NTRK3: variants seen among roughly 807,000 people sequenced by gnomAD.
NTRK3 encodes neurotrophic receptor tyrosine kinase 3, also known as NT-3 growth factor receptor.
NTRK3 carries 24 observed loss-of-function variants against 91.7 expected under a neutral mutation model. That is an observed-to-expected ratio of 0.26 (90% CI 0.19 to 0.37). The LOEUF is 0.37. Among genes scored for constraint, NTRK3 ranks in the 10% least tolerant of loss-of-function variants. The probability of loss-of-function intolerance (pLI) is 1.00; values close to 1 mark genes in which losing one functional copy is unlikely to be tolerated. For missense variants in NTRK3, 880 were observed against 1,068.9 expected (o/e 0.82, Z 2.46); for synonymous variants, 483 against 404.0 (o/e 1.20, Z -2.34).
chr15:88,095,779 G>A (rs1480370372), intron 13 of NTRK3, among the ~76,000 whole-genome samples: 6 of 152,144 alleles, frequency 3.9e-5, no homozygotes, highest in Non-Finnish European at 7.3e-5. Flanking sequence ...CAATTGAAAT[G>A]ATTATACAGC....
intron 13 of NTRK3, among the ~76,000 whole-genome samples, chr15:88,111,307 C>T (rs546229587): frequency 3.9e-5 from 6 of 152,182 alleles, no homozygotes; most frequent in East Asian, 1.9e-4. Context: ...TGTTGTTTCC[C>T]GAAGTACTAA....
chr15:87,863,295 A>T, exon 19 of NTRK3: 2 of 225,928 alleles, frequency 8.9e-6, no homozygotes, highest in Non-Finnish European at 1.8e-5. Context: ...TAGGAAATAA[A>T]GGAAAACAAA....
At chr15:88,082,988 G>A (rs1338215004) in intron 13 of NTRK3, among the ~76,000 whole-genome samples, 1 of 152,194 alleles carries the variant, frequency 6.6e-6, no homozygotes, top group Non-Finnish European at 1.5e-5. Context: ...TAAGAGGGAA[G>A]GATAAAAACT....
intron 14 of NTRK3, among the ~76,000 whole-genome samples, chr15:88,023,733 C>T (rs574113530): frequency 6.6e-6 from 1 of 152,304 alleles, no homozygotes; most frequent in East Asian, 1.9e-4. Flanking sequence ...CCAACCTACC[C>T]TCTTCAGCCG....
intron 13 of NTRK3, among the ~76,000 whole-genome samples, chr15:88,033,993 T>C (rs1193686481): frequency 2.6e-5 from 4 of 152,100 alleles, no homozygotes; most frequent in Non-Finnish European, 5.9e-5. Flanking sequence ...CATCAGATTG[T>C]GAGAGCTCCC....
chr15:87,963,468 C>CGAT (rs1236872575), intron 14 of NTRK3, among the ~76,000 whole-genome samples: 1 of 152,136 alleles, frequency 6.6e-6, no homozygotes, highest in Non-Finnish European at 1.5e-5. Context: ...CCCCACTGAA[C>CGAT]GATGGTTCGA....
rs1012720630 is a variant in NTRK3 at position 88,224,236 on chromosome 15, C to T, written c.248+31670G>A. 2.6e-5 allele frequency among the ~76,000 whole-genome samples: 4 copies of T among 152,330 alleles called. No individual in the cohort carries two copies. The East Asian group carries it at 7.7e-4, about 29-fold the overall frequency. Reference sequence around the variant, plus strand: ...AGGATGCTCCCTGCAAGGTGAGGGGCCAGCCCTGCACCAGGCACCAGAACT... The same window carrying T: ...AGGATGCTCCCTGCAAGGTGAGGGGTCAGCCCTGCACCAGGCACCAGAACT... On this transcript the variant is annotated intron_variant, in intron 3 of 18. Coordinates refer to ENST00000394480, the Ensembl canonical transcript of NTRK3.
At chr15:88,103,317 C>T (rs1319506528) in intron 13 of NTRK3, among the ~76,000 whole-genome samples, 1 of 152,128 alleles carries the variant, frequency 6.6e-6, no homozygotes, top group African/African-American at 2.4e-5. Flanking sequence ...AGAAGAAATC[C>T]TGCCTCAAGA....
At chr15:87,923,398 A>G (rs2068037037) in intron 17 of NTRK3, among the ~76,000 whole-genome samples, 1 of 152,174 alleles carries the variant, frequency 6.6e-6, no homozygotes. Context: ...TGGTTGGGAC[A>G]TAGATAGATG....
intron 5 of NTRK3, among the ~76,000 whole-genome samples, chr15:88,153,232 T>C (rs1286292637): frequency 6.6e-6 from 1 of 152,158 alleles, no homozygotes; most frequent in Non-Finnish European, 1.5e-5. Flanking sequence ...TCCCTTTTCT[T>C]CTTTATTTTT....
chr15:88,175,696 CCAGA>C (rs1486750427), intron 5 of NTRK3, among the ~76,000 whole-genome samples: 1 of 152,072 alleles, frequency 6.6e-6, no homozygotes, highest in African/African-American at 2.4e-5. Context: ...TTGTTATGGG[CCAGA>C]CATTCTCCTC....
chr15:88,211,377 T>C (rs1026556648), intron 3 of NTRK3, among the ~76,000 whole-genome samples: 6 of 152,276 alleles, frequency 3.9e-5, no homozygotes, highest in Admixed American at 3.3e-4. Flanking sequence ...TAGGCCGTTA[T>C]AGAGATAGAC....
chr15:88,037,804 A>AC (rs1490581942), intron 13 of NTRK3, among the ~76,000 whole-genome samples: 16 of 152,336 alleles, frequency 1.1e-4, no homozygotes, highest in Admixed American at 7.8e-4. Flanking sequence ...TACTTCCTAC[A>AC]CATCAGGCTC....
In NTRK3 at chr15:88,246,412, T is replaced by C. The variant is rs577602899; in HGVS notation, c.248+9494A>G. On this transcript the variant is annotated intron_variant, in intron 3 of 18. Coordinates refer to ENST00000394480, the Ensembl canonical transcript of NTRK3. ...GACCTGCTATTTTCTGAGCACTACT[T>C]GTCGTCCGGTAATTTCCAAGCTTGG... 2.6e-5 allele frequency among the ~76,000 whole-genome samples: 4 copies of C among 152,222 alleles called. No individual in the cohort carries two copies. The East Asian group carries it at 7.7e-4, about 29-fold the overall frequency.
At chr15:87,912,986 T>G (rs1279549784) in intron 17 of NTRK3, among the ~76,000 whole-genome samples, 1 of 118,194 alleles carries the variant, frequency 8.5e-6, no homozygotes, top group Non-Finnish European at 1.8e-5. Context: ...TTCAAGATCC[T>G]GCTGCTACAT....
At chr15:87,873,199 C>T (rs2064867628) in exon 19 of NTRK3, 1 of 231,572 alleles carries the variant, frequency 4.3e-6, no homozygotes, top group South Asian at 1.8e-4. Flanking sequence ...TCAACCTGAA[C>T]CCAGAAGGAC....
intron 6 of NTRK3, among the ~76,000 whole-genome samples, chr15:88,141,114 G>A (rs1016536226): frequency 3.9e-5 from 6 of 152,152 alleles, no homozygotes; most frequent in Non-Finnish European, 8.8e-5. Context: ...TGAGGCTGGG[G>A]AGGGACAGAC....
chr15:88,128,910 T>C (rs1410325909), intron 10 of NTRK3, among the ~76,000 whole-genome samples, 176 bp from the exon 11 acceptor site: 3 of 152,162 alleles, frequency 2.0e-5, no homozygotes, highest in African/African-American at 7.2e-5. Flanking sequence ...ACTACCAGTT[T>C]AGGGGGTGGT....
chr15:87,999,569 T>A (rs1188198599), intron 14 of NTRK3, among the ~76,000 whole-genome samples: 1 of 152,236 alleles, frequency 6.6e-6, no homozygotes, highest in East Asian at 1.9e-4. Flanking sequence ...CAAATTTTAT[T>A]TCCCATGCAT....
Sources: allele counts gnomAD v4.1 joint callset (sites outside exome capture counted in the v4.1 genomes callset), GRCh38; gene constraint gnomAD v4.1.1; transcripts MANE v1.5; gene names NCBI Gene and HGNC (gene_info 2026-07-23, HGNC 2026-07-21).